Variants in CELF4 observed in about 807,000 individuals in gnomAD.
CELF4 encodes the protein CUGBP Elav-like family member 4.
A neutral mutation model predicts 59.9 loss-of-function variants in CELF4; 18 were observed. That is an observed-to-expected ratio of 0.30 (90% CI 0.21 to 0.45). The LOEUF is 0.45. Ranked by LOEUF, CELF4 falls within the 20% of genes least tolerant of loss-of-function variation. CELF4 has a pLI of 1.00. For missense variants in CELF4, 456 were observed against 689.0 expected (o/e 0.66, Z 3.79); for synonymous variants, 261 against 267.1 (o/e 0.98, Z 0.22).
chr18:37,499,520 AGGTCCCTCAT>A (rs1385111671), intron 1 of CELF4, among the ~76,000 whole-genome samples: 1 of 152,202 alleles, frequency 6.6e-6, no homozygotes, highest in African/African-American at 2.4e-5. Flanking sequence ...AGAGGGTGGC[AGGTCCCTCAT>A]GGGAAGGGAA....
chr18:37,546,407 C>G (rs2099981437), intron 1 of CELF4, among the ~76,000 whole-genome samples: 1 of 152,128 alleles, frequency 6.6e-6, no homozygotes, highest in South Asian at 2.1e-4. Flanking sequence ...CACACACACA[C>G]AGTTCTCACT....
At chr18:37,494,858 C>T (rs1017623232) in intron 1 of CELF4, among the ~76,000 whole-genome samples, 2 of 152,280 alleles carry the variant, frequency 1.3e-5, no homozygotes, top group African/African-American at 4.8e-5. Context: ...CTCCCCACCC[C>T]CAATCCTGTG....
chr18:37,270,686 T>A, intron 8 of CELF4, 82 bp downstream of exon 8: 3 of 1,535,530 alleles, frequency 2.0e-6, no homozygotes, highest in Non-Finnish European at 2.7e-6. Context: ...AGGAGCCACA[T>A]CTTGTTATAA....
At chr18:37,318,868 C>T (rs1412257537) in intron 3 of CELF4, among the ~76,000 whole-genome samples, 4 of 152,170 alleles carry the variant, frequency 2.6e-5, no homozygotes, top group Non-Finnish European at 4.4e-5. Context: ...AGAAAATGGC[C>T]TGGACTCTGA....
At chr18:37,447,855 A>C (rs565633091) in intron 2 of CELF4, among the ~76,000 whole-genome samples, 1 of 152,258 alleles carries the variant, frequency 6.6e-6, no homozygotes, top group Admixed American at 6.5e-5. Flanking sequence ...TTCATTCCAC[A>C]TGAGCCAGTG....
intron 1 of CELF4, among the ~76,000 whole-genome samples, chr18:37,528,439 G>C (rs1481761410): frequency 1.3e-5 from 2 of 152,178 alleles, no homozygotes; most frequent in African/African-American, 2.4e-5. Context: ...TCTTATCGGT[G>C]GGGGGTCTGG....
chr18:37,385,512 G>A (rs902729953), intron 2 of CELF4, among the ~76,000 whole-genome samples: 6 of 152,104 alleles, frequency 3.9e-5, no homozygotes, highest in African/African-American at 1.4e-4. Context: ...ATGCCACCTG[G>A]TTAATCAATT....
At chr18:37,523,173 A>G (rs1472763588) in intron 1 of CELF4, among the ~76,000 whole-genome samples, 4 of 152,080 alleles carry the variant, frequency 2.6e-5, no homozygotes, top group Non-Finnish European at 1.5e-5. Flanking sequence ...GGACCCTCCA[A>G]TAGTCTATAT....
At chr18:37,417,719 C>G (rs760310359) in intron 2 of CELF4, among the ~76,000 whole-genome samples, 1 of 152,188 alleles carries the variant, frequency 6.6e-6, no homozygotes, top group Non-Finnish European at 1.5e-5. Context: ...CCATCCTCAC[C>G]AGGACTGTGA....
At chr18:37,372,634 T>TA (rs947485043) in intron 2 of CELF4, among the ~76,000 whole-genome samples, 2 of 151,918 alleles carry the variant, frequency 1.3e-5, no homozygotes, top group South Asian at 4.2e-4. Context: ...AGTATAATAA[T>TA]AAAAAAACAA....
intron 2 of CELF4, among the ~76,000 whole-genome samples, chr18:37,381,611 T>C (rs1603632211): frequency 6.6e-6 from 1 of 151,982 alleles, no homozygotes; most frequent in Admixed American, 6.6e-5. Flanking sequence ...GCAGGGATGG[T>C]TTTCTCTATT....
Position 37,253,769 on chromosome 18 carries a change from G to A in CELF4, c.*42C>T. 6.4e-7 allele frequency: 1 copy of A among 1,574,286 alleles called. No homozygotes were observed. The highest frequency in any genetic ancestry group is 8.6e-7 in the Non-Finnish European group (1 of 1,158,634). On this transcript the variant is annotated splice_region_variant and 3_prime_UTR_variant, in exon 12 of 13. Coordinates refer to ENST00000420428, the MANE Select transcript of CELF4 (RefSeq NM_020180.4). The surrounding 1 kb of genome is among the most constrained non-coding windows in gnomAD (Gnocchi z 4.5). ...GCGCCCCGGCCGCCCCCGGTTACCTGTGCGAGTCCTGGTCTCCCCCGGGGG... is the reference window on the plus strand; with the variant it reads ...GCGCCCCGGCCGCCCCCGGTTACCTATGCGAGTCCTGGTCTCCCCCGGGGG...
intron 2 of CELF4, among the ~76,000 whole-genome samples, chr18:37,399,568 T>C (rs1373100528): frequency 1.3e-5 from 2 of 152,198 alleles, no homozygotes; most frequent in Admixed American, 1.3e-4. Context: ...GGGCTTTTAC[T>C]AACAGGCTGA....
chr18:37,411,956 G>A (rs2154592235), intron 2 of CELF4, among the ~76,000 whole-genome samples: 3 of 152,334 alleles, frequency 2.0e-5, no homozygotes, highest in Middle Eastern at 3.4e-3. Flanking sequence ...CCAAAAGCAA[G>A]GTCATCTCCC....
rs147170533 is a variant in CELF4 at position 37,425,637 on chromosome 18, G to A, written c.369+59888C>T. Among the ~76,000 whole-genome samples the A allele has an allele frequency of 1.9e-3, 291 of 152,354 alleles. 1 individual carries two copies. The highest frequency in any genetic ancestry group is 5.0e-3 in the Admixed American group (76 of 15,304). On this transcript the variant is annotated intron_variant, in intron 2 of 12. Transcript: ENST00000420428. ...TCATTAGAGCAGACACTGTGCACTC[G>A]TCCACCAGGGAGAAAGCTCATAGAG... is the stretch of plus-strand genomic sequence containing the variant.
At chr18:37,538,772 C>A (rs967357907) in intron 1 of CELF4, among the ~76,000 whole-genome samples, 2 of 152,188 alleles carry the variant, frequency 1.3e-5, no homozygotes, top group Admixed American at 6.5e-5. Context: ...CATTGTGGAG[C>A]AGTTACTTAC....
intron 3 of CELF4, among the ~76,000 whole-genome samples, chr18:37,286,350 T>C (rs1427492144): frequency 6.6e-6 from 1 of 151,990 alleles, no homozygotes; most frequent in Non-Finnish European, 1.5e-5. Flanking sequence ...GGGGCAGTGG[T>C]CGCTGCCTGC....
intron 2 of CELF4, among the ~76,000 whole-genome samples, chr18:37,351,787 TA>T (rs2098447710): frequency 6.6e-6 from 1 of 152,064 alleles, no homozygotes; most frequent in East Asian, 1.9e-4. Context: ...ATGTTTTTTG[TA>T]TTTTTAGTAG....
chr18:37,365,407 C>A (rs2098763404), intron 2 of CELF4, among the ~76,000 whole-genome samples: 1 of 148,134 alleles, frequency 6.8e-6, no homozygotes, highest in Non-Finnish European at 1.5e-5. Context: ...AGGCTAGGAG[C>A]CAAGGGCTGG....
Sources: gnomAD v4.1 joint callset for allele counts (sites outside exome capture counted in the v4.1 genomes callset) on GRCh38, gnomAD v4.1.1 for gene constraint, Gnocchi (gnomAD v3.1) non-coding constraint, MANE v1.5 for transcripts, NCBI Gene and HGNC (gene_info 2026-07-23, HGNC 2026-07-21) for gene names.